DPY19L2: variants seen among roughly 807,000 people sequenced by gnomAD.
DPY19L2 encodes the protein probable C-mannosyltransferase DPY19L2.
A neutral mutation model predicts 97.9 loss-of-function variants in DPY19L2; 34 were observed. The ratio of observed to expected loss-of-function variants is 0.35; its 90% confidence interval spans 0.26 to 0.46. DPY19L2 has a LOEUF of 0.46. Ranked by LOEUF, DPY19L2 falls within the 20% of genes least tolerant of loss-of-function variation. The probability of loss-of-function intolerance (pLI) is 1.00; values close to 1 mark genes in which losing one functional copy is unlikely to be tolerated. For missense variants in DPY19L2, 623 were observed against 911.4 expected (o/e 0.68, Z 4.07); for synonymous variants, 230 against 307.9 (o/e 0.75, Z 2.65).
At chr12:63,663,558 C>A (rs2138327649) in intron 3 of DPY19L2, among the ~76,000 whole-genome samples, 200 bp downstream of exon 3, 1 of 152,078 alleles carries the variant, frequency 6.6e-6, no homozygotes, top group East Asian at 1.9e-4. Context: ...AAAAAGAAGT[C>A]TGCATTAGGA....
intron 6 of DPY19L2, among the ~76,000 whole-genome samples, chr12:63,639,201 A>G (rs534920178): frequency 9.2e-5 from 14 of 152,316 alleles, no homozygotes; most frequent in African/African-American, 3.4e-4. Flanking sequence ...ACGAAAATTA[A>G]TTCAAGATGG....
At chr12:63,575,327 G>C (rs1267372866) in intron 19 of DPY19L2, among the ~76,000 whole-genome samples, 1 of 151,922 alleles carries the variant, frequency 6.6e-6, no homozygotes, top group Non-Finnish European at 1.5e-5. Flanking sequence ...GCAGTATTAA[G>C]AGGGAAGTCT....
chr12:63,584,563 T>A (rs1194386815), intron 16 of DPY19L2, among the ~76,000 whole-genome samples: 1 of 152,212 alleles, frequency 6.6e-6, no homozygotes, highest in Admixed American at 6.5e-5. Flanking sequence ...CAAGTCACCC[T>A]GCTTCATCCT....
chr12:63,591,254 A>G (rs1201485309), intron 16 of DPY19L2: 1 of 280,410 alleles, frequency 3.6e-6, no homozygotes, highest in Non-Finnish European at 7.6e-6. Flanking sequence ...ACAAGCATGG[A>G]GTATGGAGTT....
chr12:63,575,509 AG>A lies in DPY19L2; in HGVS notation c.1901-4653del, dbSNP rs368481770. On this transcript the variant is annotated intron_variant, in intron 19 of 21. Transcript: ENST00000324472. The stretch of plus-strand genomic sequence containing the variant: ...ATTGCAATGAAGAAAACAGTATAAA[AG>A]ATCAACTGGTTTTCTGAAAAGATAA... 1.6e-3 allele frequency among the ~76,000 whole-genome samples: 242 copies of A among 151,956 alleles called. 1 individual carries two copies. The highest frequency in any genetic ancestry group is 5.6e-3 in the African/African-American group (231 of 41,530).
intron 5 of DPY19L2, among the ~76,000 whole-genome samples, chr12:63,645,884 C>G (rs1184133083): frequency 6.6e-6 from 1 of 151,936 alleles, no homozygotes; most frequent in African/African-American, 2.4e-5. Context: ...TAAAATGGAA[C>G]TCTGTTAAAA....
chr12:63,633,515 T>C (rs377599660), intron 6 of DPY19L2, among the ~76,000 whole-genome samples: 3 of 152,122 alleles, frequency 2.0e-5, no homozygotes, highest in East Asian at 3.9e-4. Flanking sequence ...CACAATGAGA[T>C]ACCATCTCAC....
chr12:63,609,817 C>T (rs41476346), intron 11 of DPY19L2, among the ~76,000 whole-genome samples: 23,727 of 152,012 alleles, frequency 0.16, 2,138 homozygotes, highest in Middle Eastern at 0.22. Context: ...CTCGGACTTG[C>T]GTATTATTTA....
intron 7 of DPY19L2, among the ~76,000 whole-genome samples, chr12:63,625,112 C>T (rs1241430106): frequency 6.6e-6 from 1 of 151,796 alleles, no homozygotes; most frequent in Non-Finnish European, 1.5e-5. Flanking sequence ...GTACTTCTAC[C>T]CTGGCTTGGC....
chr12:63,619,436 T>C (rs1565778642), intron 9 of DPY19L2, among the ~76,000 whole-genome samples: 2 of 151,784 alleles, frequency 1.3e-5, no homozygotes, highest in Admixed American at 6.6e-5. Flanking sequence ...AACAAAACTA[T>C]ATACATTAGT....
At chr12:63,640,730 C>T (rs548256685) in intron 6 of DPY19L2, among the ~76,000 whole-genome samples, 3 of 152,042 alleles carry the variant, frequency 2.0e-5, no homozygotes, top group Non-Finnish European at 4.4e-5. Context: ...GACTATATAA[C>T]CAATTTAGAG....
chr12:63,566,701 A>G (rs1309618778), intron 21 of DPY19L2, among the ~76,000 whole-genome samples: 2 of 151,984 alleles, frequency 1.3e-5, no homozygotes, highest in African/African-American at 4.8e-5. Context: ...TGCGAAAAAC[A>G]TCTGGGTTGT....
intron 6 of DPY19L2, among the ~76,000 whole-genome samples, chr12:63,629,964 C>T (rs1404433408): frequency 6.6e-6 from 1 of 152,074 alleles, no homozygotes; most frequent in Non-Finnish European, 1.5e-5. Flanking sequence ...TCCAGCCAAA[C>T]TAAGCTTCAT....
intron 6 of DPY19L2, among the ~76,000 whole-genome samples, chr12:63,637,057 T>G (rs1891845098): frequency 6.6e-6 from 1 of 152,078 alleles, no homozygotes; most frequent in Non-Finnish European, 1.5e-5. Context: ...TCAGCAAATG[T>G]AAAAGAACAG....
At chr12:63,588,776 C>T (rs1178868166) in intron 16 of DPY19L2, among the ~76,000 whole-genome samples, 3 of 127,330 alleles carry the variant, frequency 2.4e-5, no homozygotes, top group East Asian at 5.0e-4. Flanking sequence ...TTTTTTGAGA[C>T]GGAGTCTCAC....
chr12:63,598,390 T>C (rs757264058), intron 13 of DPY19L2, among the ~76,000 whole-genome samples: 5 of 152,152 alleles, frequency 3.3e-5, no homozygotes, highest in Non-Finnish European at 5.9e-5. Flanking sequence ...ATTCAAACCA[T>C]TGAATATGAG....
chr12:63,629,676 G>T (rs2137911890), intron 6 of DPY19L2, among the ~76,000 whole-genome samples: 1 of 152,258 alleles, frequency 6.6e-6, no homozygotes, highest in Admixed American at 6.5e-5. Flanking sequence ...CCCCAGTCTA[G>T]CAAGGCAGGC....
intron 6 of DPY19L2, among the ~76,000 whole-genome samples, chr12:63,630,914 C>A (rs1249462075): frequency 2.6e-5 from 4 of 152,154 alleles, no homozygotes; most frequent in Non-Finnish European, 5.9e-5. Context: ...TTAATAAACT[C>A]ACTCAAAACT....
At chr12:63,622,611 T>C (rs1033559242) in intron 8 of DPY19L2, among the ~76,000 whole-genome samples, 4 of 152,150 alleles carry the variant, frequency 2.6e-5, no homozygotes, top group African/African-American at 9.7e-5. Context: ...GCATGGTCCC[T>C]GTTTCCAGTG....
Sources: allele counts gnomAD v4.1 joint callset (sites outside exome capture counted in the v4.1 genomes callset), GRCh38; gene constraint gnomAD v4.1.1; transcripts MANE v1.5; gene names NCBI Gene and HGNC (gene_info 2026-07-23, HGNC 2026-07-21).